The following TELO2 variants were observed in gnomAD, a reference collection of about 807,000 sequenced individuals.
The protein encoded by TELO2 is telomere maintenance 2.
A neutral mutation model predicts 91.0 loss-of-function variants in TELO2; 71 were observed. That is an observed-to-expected ratio of 0.78 (90% CI 0.64 to 0.95). TELO2 has a LOEUF of 0.95. Ranked by LOEUF, TELO2 falls within the 40% of genes least tolerant of loss-of-function variation. TELO2 has a pLI of 0.00. For missense variants in TELO2, 1,183 were observed against 1,141.3 expected (o/e 1.04, Z -0.53); for synonymous variants, 584 against 518.9 (o/e 1.13, Z -1.71).
chr16:1,503,041 C>G, intron 15 of TELO2, 39 bp downstream of exon 15: 1 of 1,604,108 alleles, frequency 6.2e-7, no homozygotes, highest in Non-Finnish European at 8.5e-7. Flanking sequence ...TGGTCTGGCC[C>G]AAGCTGCCCT....
chr16:1,495,338 A>G lies in TELO2; in HGVS notation c.336-8A>G. 6.5e-7 allele frequency: 1 copy of G among 1,536,432 alleles called. No homozygotes were observed. The highest frequency in any genetic ancestry group is 8.8e-7 in the Non-Finnish European group (1 of 1,136,844). ...TGGCGGCTCTGCCCAACACGCCCGTATCTTCAGCCCCAGCTTCCGGCTGAT... is the reference window on the plus strand; with the variant it reads ...TGGCGGCTCTGCCCAACACGCCCGTGTCTTCAGCCCCAGCTTCCGGCTGAT... On this transcript the variant is annotated splice_region_variant and splice_polypyrimidine_tract_variant and intron_variant, in intron 2 of 20. Coordinates refer to ENST00000262319, the MANE Select transcript of TELO2 (RefSeq NM_016111.4).
intron 3 of TELO2, among the ~76,000 whole-genome samples, chr16:1,496,593 G>T (rs1304524488): frequency 4.6e-5 from 7 of 152,302 alleles, no homozygotes; most frequent in Non-Finnish European, 1.0e-4. Flanking sequence ...TGTGGGGCTG[G>T]TACAGCCCGG....
Position 1,505,514 on chromosome 16 carries a change from C to A in TELO2, c.1947C>A (p.Ala649=). 6.2e-7 allele frequency: 1 copy of A among 1,613,084 alleles called. No homozygotes were observed. The highest frequency in any genetic ancestry group is 1.1e-5 in the South Asian group (1 of 91,090). The change falls in exon 16 of 21, where the codon GCC becomes GCA. Residue 649 remains alanine (A), a synonymous_variant. Coordinates refer to ENST00000262319, the MANE Select transcript of TELO2 (RefSeq NM_016111.4). The surrounding 1 kb of genome is among the most constrained non-coding windows in gnomAD (Gnocchi z 4.3). ...ACACCCCGTGCCTGCCAGAGGCAGC[C>A]GTCTCTCAGCCTGGCAGTGCCGTGG... ...SPNTPCLPEA[A]VSQPGSAVAS... is the part of the protein sequence containing the mutation.
At chr16:1,499,811 G>A (rs927603738) in intron 6 of TELO2, among the ~76,000 whole-genome samples, 5 of 152,232 alleles carry the variant, frequency 3.3e-5, no homozygotes, top group African/African-American at 1.2e-4. Flanking sequence ...AAGATGGCGA[G>A]GCCCTGCCCC....
chr16:1,500,100 C>G lies in TELO2; in HGVS notation c.938C>G (p.Pro313Arg). ...AGGCATGTGCTTTTATTGCAGACGC[C>G]CATGCTGCAGAGCCTGCTGGGCCAT... ...LLFLQSRLTT[P>R]MLQSLLGHLA... The change falls in exon 7 of 21, where the codon CCC becomes CGC. Residue 313 changes from proline (P) to arginine (R), a missense_variant. Transcript: ENST00000262319. 1 of 1,609,098 alleles carries G rather than the reference C, an allele frequency of 6.2e-7. No homozygotes were observed. Among genetic ancestry groups the G allele is most frequent in the Admixed American group, 1.7e-5 (1 of 59,938 alleles).
chr16:1,501,951 C>G, intron 11 of TELO2, 96 bp from the exon 12 acceptor site: 1 of 1,552,662 alleles, frequency 6.4e-7, no homozygotes, highest in Non-Finnish European at 8.9e-7. Context: ...GAGGCGTGAG[C>G]TCCGCATCTT....
rs2039728344 is a variant in TELO2 at position 1,502,528 on chromosome 16, G to A, written c.1654-117G>A. 15 of 1,503,930 alleles carry A rather than the reference G, an allele frequency of 1.0e-5. 1 individual carries two copies. The South Asian group carries it at 1.8e-4, about 19-fold the overall frequency. The allele number at this position is 1,503,930 out of a possible 1,614,324, so 93.2% of individuals were successfully genotyped here. ...GTGACAGGGCTGCTGCCTCTCCCGG[G>A]GGGCCTGCGGCCTGGGGCCTCTGCT... On this transcript the variant is annotated intron_variant, in intron 13 of 20. Transcript: ENST00000262319.
At position 1,505,957 on chromosome 16, in the gene TELO2, C is replaced by T. The variant is rs554543214; in HGVS notation, c.2035-281C>T. 6.6e-6 allele frequency among the ~76,000 whole-genome samples: 1 copy of T among 152,190 alleles called. No individual in the cohort carries two copies. Among genetic ancestry groups the T allele is most frequent in the African/African-American group, 2.4e-5 (1 of 41,444 alleles). On this transcript the variant is annotated intron_variant, in intron 16 of 20. Coordinates refer to ENST00000262319, the MANE Select transcript of TELO2 (RefSeq NM_016111.4). The surrounding 1 kb of genome is among the most constrained non-coding windows in gnomAD (Gnocchi z 4.3). ...GTGGGTTGGAGGCCACGGAGGCATC[C>T]TGCAGTGCCCAGGGCGGCCTCCCCA...
In TELO2 at chr16:1,505,369, C is replaced by T. The variant is rs771711903; in HGVS notation, c.1843-41C>T. The T allele has an allele frequency of 5.7e-6, 9 of 1,582,756 alleles. No homozygotes were observed. The highest frequency in any genetic ancestry group is 7.8e-6 in the Non-Finnish European group (9 of 1,159,672). ...ACTTGACTCTTGGGAAATGTTCTTC[C>T]CTGGAGCAGTGGCGACGGCCCTGGG... is the stretch of plus-strand genomic sequence containing the variant. On this transcript the variant is annotated intron_variant, in intron 15 of 20. Transcript: ENST00000262319. The surrounding 1 kb of genome is among the most constrained non-coding windows in gnomAD (Gnocchi z 4.3).
chr16:1,500,751 A>C (rs2039651453), intron 9 of TELO2, 52 bp downstream of exon 9: 1 of 1,591,470 alleles, frequency 6.3e-7, no homozygotes, highest in East Asian at 2.3e-5. Context: ...GGGTCTCCCG[A>C]GCGGCTGCCT....
At chr16:1,501,890 G>T in intron 11 of TELO2, 117 bp downstream of exon 11, 1 of 1,443,742 alleles carries the variant, frequency 6.9e-7, no homozygotes, top group Non-Finnish European at 9.6e-7. Context: ...CTTCTCTTTC[G>T]TCCTCATGTG....
In TELO2 at chr16:1,496,955, C is replaced by G. The variant is rs561152435; in HGVS notation, c.614-81C>G. On this transcript the variant is annotated intron_variant, in intron 3 of 20. Transcript: ENST00000262319. Reference sequence around the variant, plus strand: ...TGCTGTCGGTTGGAGTCCGCCTGACCGAGAGCAGCTCTCCCCACACCTAGA... The same window carrying G: ...TGCTGTCGGTTGGAGTCCGCCTGACGGAGAGCAGCTCTCCCCACACCTAGA... 25 of 1,428,266 alleles carry G rather than the reference C, an allele frequency of 1.8e-5. No individual in the cohort carries two copies. The South Asian group carries it at 2.0e-4, about 11-fold the overall frequency. The allele number at this position is 1,428,266 out of a possible 1,614,324, so 88.5% of individuals were successfully genotyped here.
rs1246466212 is a variant in TELO2, at chr16:1,502,713, G to C, written c.1722G>C (p.Gly574=). The C allele has an allele frequency of 6.2e-7, 1 of 1,612,760 alleles. No individual in the cohort carries two copies. Among genetic ancestry groups the C allele is most frequent in the Non-Finnish European group, 8.5e-7 (1 of 1,179,884 alleles). Residue 574 remains glycine (G), a synonymous_variant, in exon 14 of 21, where the codon GGG becomes GGC. Transcript: ENST00000262319. ...AGACCTGTGTGGTGGGATTTGCAGG[G>C]CTGCGCCAGAGAGCCCTGGTGGCCG... ...EEKTCVVGFA[G]LRQRALVAVT...
intron 17 of TELO2, chr16:1,506,703 G>A: frequency 7.2e-7 from 1 of 1,386,292 alleles, no homozygotes; most frequent in African/African-American, 1.5e-5. Context: ...GTGGGGCCTG[G>A]GTTGTGCTGC....
At position 1,505,552 on chromosome 16, in the gene TELO2, G is replaced by A. The variant is rs753622364; in HGVS notation, c.1985G>A (p.Arg662Gln). Residue 662 changes from arginine (R) to glutamine (Q), a missense_variant, in exon 16 of 21, where the codon CGG (arginine) becomes CAG (glutamine). Transcript: ENST00000262319. The surrounding 1 kb of genome is among the most constrained non-coding windows in gnomAD (Gnocchi z 4.3). The stretch of plus-strand genomic sequence containing the variant: ...GGCAGTGCCGTGGCGTCTGACTGGC[G>A]GGTGGTGGTGGAGGAGCGGATCAGA... ...QPGSAVASDW[R>Q]VVVEERIRSK... 22 of 1,612,774 alleles carry A rather than the reference G, an allele frequency of 1.4e-5. No homozygotes were observed. Among genetic ancestry groups the A allele is most frequent in the East Asian group, 2.2e-5 (1 of 44,872 alleles).
At chr16:1,498,822 C>G (rs1482735081) in intron 5 of TELO2, among the ~76,000 whole-genome samples, 1 of 152,204 alleles carries the variant, frequency 6.6e-6, no homozygotes, top group Non-Finnish European at 1.5e-5. Flanking sequence ...CCCATAACCT[C>G]TCACCGGGAG....
chr16:1,500,436 C>G lies in TELO2; in HGVS notation c.1092C>G (p.Val364=). The change falls in exon 8 of 21, where the codon GTC becomes GTG. Residue 364 remains valine, a synonymous_variant. Coordinates refer to ENST00000262319, the MANE Select transcript of TELO2 (RefSeq NM_016111.4). ...AGCAGCGCCACGTCAGCAAGGCTGT[C>G]CTCATCTGCCTGGCGCAACTCGGGG... ...LPQQRHVSKA[V]LICLAQLGEP... 1 of 1,609,172 alleles carries G rather than the reference C, an allele frequency of 6.2e-7. No homozygotes were observed. Among genetic ancestry groups the G allele is most frequent in the South Asian group, 1.1e-5 (1 of 90,358 alleles).
chr16:1,499,992 C>A, intron 6 of TELO2, 104 bp from the exon 7 acceptor site: 1 of 1,325,212 alleles, frequency 7.5e-7, no homozygotes, highest in Non-Finnish European at 1.0e-6. Context: ...CCGTCTGCTG[C>A]CCTCAGTCTG....
rs576878179 is a variant in TELO2 at position 1,506,056 on chromosome 16, C to T, written c.2035-182C>T. ...TGGTCTGCTGTCCAGGCATTGGCCGCGGAGCCTGAGTCCCGTCACCAACCC... is the reference window on the plus strand; with the variant it reads ...TGGTCTGCTGTCCAGGCATTGGCCGTGGAGCCTGAGTCCCGTCACCAACCC... On this transcript the variant is annotated intron_variant, in intron 16 of 20. Coordinates refer to ENST00000262319, the MANE Select transcript of TELO2 (RefSeq NM_016111.4). Among the ~76,000 whole-genome samples the T allele has an allele frequency of 8.5e-5, 13 of 152,346 alleles. No homozygotes were observed. In the East Asian group the frequency reaches 1.7e-3, roughly 20 times the overall value.
Sources: allele counts gnomAD v4.1 joint callset (sites outside exome capture counted in the v4.1 genomes callset), GRCh38; gene constraint gnomAD v4.1.1; non-coding constraint Gnocchi (gnomAD v3.1); transcripts MANE v1.5; gene names NCBI Gene and HGNC (gene_info 2026-07-23, HGNC 2026-07-21).